The following CDH4 variants were observed in gnomAD, a reference collection of about 807,000 sequenced individuals.
The protein encoded by CDH4 is cadherin-4.
Under a neutral mutation model 86.0 loss-of-function variants are expected in CDH4, and 33 were observed. The observed-to-expected ratio is 0.38, with a 90% CI of 0.29 to 0.51. CDH4 has a LOEUF of 0.51. Ranked by LOEUF, CDH4 falls within the 20% of genes least tolerant of loss-of-function variation. The probability of loss-of-function intolerance (pLI) is 0.86; values close to 1 mark genes in which losing one functional copy is unlikely to be tolerated. For missense variants in CDH4, 1,114 were observed against 1,307.4 expected, an observed-to-expected ratio of 0.85 and a Z score of 2.28; for synonymous variants, 555 against 549.4, an observed-to-expected ratio of 1.01 and a Z score of -0.14.
intron 2 of CDH4, among the ~76,000 whole-genome samples, chr20:61,456,001 A>G (rs1476143309): frequency 7.9e-5 from 12 of 151,714 alleles, no homozygotes; most frequent in Non-Finnish European, 5.9e-5. Flanking sequence ...ATGGATGGAT[A>G]GATATATGGA....
intron 8 of CDH4, among the ~76,000 whole-genome samples, chr20:61,895,599 C>G (rs1014445899): frequency 6.6e-6 from 1 of 152,240 alleles, no homozygotes; most frequent in Non-Finnish European, 1.5e-5. Context: ...CTGGTGGGAA[C>G]ACGGTGGAGA....
At chr20:61,294,324 C>T (rs568842548) in intron 2 of CDH4, among the ~76,000 whole-genome samples, 17 of 152,278 alleles carry the variant, frequency 1.1e-4, no homozygotes, top group African/African-American at 3.1e-4. Context: ...TCTGGGGCAA[C>T]GGGGGTGAAG....
At chr20:61,878,608 G>C (rs768758425) in intron 7 of CDH4, among the ~76,000 whole-genome samples, 13 of 152,240 alleles carry the variant, frequency 8.5e-5, no homozygotes, top group African/African-American at 3.1e-4. Context: ...ACATTGAGGC[G>C]GGCTTCCCTC....
At chr20:61,449,244 C>G (rs984303836) in intron 2 of CDH4, among the ~76,000 whole-genome samples, 1 of 152,120 alleles carries the variant, frequency 6.6e-6, no homozygotes, top group South Asian at 2.1e-4. Context: ...TTTATCTCCA[C>G]GGGGGGGCCG....
chr20:61,399,653 C>G (rs1027526895), intron 2 of CDH4, among the ~76,000 whole-genome samples: 1 of 152,320 alleles, frequency 6.6e-6, no homozygotes, highest in Non-Finnish European at 1.5e-5. Flanking sequence ...CGCTGCAGGA[C>G]TTGGCAAATT....
At chr20:61,643,815 G>A (rs1389527827) in intron 2 of CDH4, among the ~76,000 whole-genome samples, 5 of 152,216 alleles carry the variant, frequency 3.3e-5, no homozygotes, top group South Asian at 2.1e-4. Context: ...ATCCATCTGA[G>A]TTCCCCTCGT....
chr20:61,633,966 C>T (rs1258827054), intron 2 of CDH4, among the ~76,000 whole-genome samples: 1 of 152,198 alleles, frequency 6.6e-6, no homozygotes, highest in Non-Finnish European at 1.5e-5. Flanking sequence ...GATTTTAAAA[C>T]ACCACCACCA....
At chr20:61,302,659 T>C (rs751932131) in intron 2 of CDH4, among the ~76,000 whole-genome samples, 1 of 152,134 alleles carries the variant, frequency 6.6e-6, no homozygotes, top group Non-Finnish European at 1.5e-5. Context: ...GGCTGCAGCA[T>C]TTGGGTCTGT....
intron 5 of CDH4, among the ~76,000 whole-genome samples, 197 bp downstream of exon 5, chr20:61,845,020 G>A (rs1016921225): frequency 2.0e-5 from 3 of 152,236 alleles, no homozygotes; most frequent in Non-Finnish European, 4.4e-5. Context: ...AATTCAGCAG[G>A]GTGGGCCCAG....
chr20:61,765,343 G>A (rs1409488603), intron 3 of CDH4, among the ~76,000 whole-genome samples: 1 of 152,172 alleles, frequency 6.6e-6, no homozygotes, highest in Non-Finnish European at 1.5e-5. Flanking sequence ...CCAGACTGCA[G>A]AATCTCCCCA....
chr20:61,610,388 C>T (rs765643481), intron 2 of CDH4, among the ~76,000 whole-genome samples: 1 of 152,194 alleles, frequency 6.6e-6, no homozygotes, highest in Non-Finnish European at 1.5e-5. Flanking sequence ...TTGTCTTTAT[C>T]TATTTGTCCA....
At position 61,252,568 on chromosome 20, in the gene CDH4, C is replaced by T. The variant is rs1973086160; in HGVS notation, c.55C>T (p.Arg19Trp). 3 of 1,204,180 alleles carry T rather than the reference C, an allele frequency of 2.5e-6. No homozygotes were observed. The highest frequency in any genetic ancestry group is 3.1e-6 in the Non-Finnish European group (3 of 969,972). 74.6% of individuals were successfully genotyped at this position (1,204,180 alleles called of 1,614,324 possible). ...GCTGCTCTCGCTCTCCGGCGCGCTC[C>T]GGGTAAGTTGCCGCCTCCCGCCCCC... is the stretch of plus-strand genomic sequence containing the variant. ...LLLLSLSGAL[R>W]AHNEDLTTRE... The change falls in exon 1 of 16, where the codon CGG becomes TGG. Residue 19 changes from arginine (R) to tryptophan (W), a missense_variant and splice_region_variant. This residue lies in a region of CDH4 where 221 missense variants were observed against 209.5 expected (regional missense o/e 1.05). Transcript: ENST00000614565. This position sits in a 1 kb window ranked among gnomAD's most constrained non-coding sequence, Gnocchi z 4.4.
intron 2 of CDH4, among the ~76,000 whole-genome samples, chr20:61,626,485 C>T (rs762476269): frequency 4.4e-5 from 6 of 136,528 alleles, no homozygotes; most frequent in South Asian, 2.3e-4. Context: ...GAAGTCAGTG[C>T]GTTGTGGGGG....
intron 2 of CDH4, among the ~76,000 whole-genome samples, chr20:61,586,045 G>GTGGTGAT (rs2086470994): frequency 1.4e-5 from 2 of 140,258 alleles, no homozygotes; most frequent in African/African-American, 5.6e-5. Context: ...GTGGTGATGA[G>GTGGTGAT]GAGGATGATG....
At chr20:61,805,700 G>C (rs1980087849) in intron 4 of CDH4, among the ~76,000 whole-genome samples, 1 of 152,224 alleles carries the variant, frequency 6.6e-6, no homozygotes, top group African/African-American at 2.4e-5. Flanking sequence ...GGCCAGGGCA[G>C]TGTATTGGGA....
chr20:61,275,976 CCGCCTGG>C (rs2084229368), intron 2 of CDH4, among the ~76,000 whole-genome samples: 1 of 152,166 alleles, frequency 6.6e-6, no homozygotes. Flanking sequence ...ATAAGGCTGG[CCGCCTGG>C]CACATCAGCG....
At chr20:61,856,158 G>T (rs1258996134) in intron 6 of CDH4, among the ~76,000 whole-genome samples, 3 of 152,208 alleles carry the variant, frequency 2.0e-5, no homozygotes, top group African/African-American at 7.2e-5. Context: ...GCCTTTGTGG[G>T]ATAAGGAAAA....
chr20:61,750,786 G>C (rs1339722932), intron 3 of CDH4, among the ~76,000 whole-genome samples: 1 of 152,238 alleles, frequency 6.6e-6, no homozygotes, highest in Non-Finnish European at 1.5e-5. Context: ...TCGTGAGTAA[G>C]GTTAGCAAGG....
intron 2 of CDH4, among the ~76,000 whole-genome samples, chr20:61,655,232 C>T (rs574646887): frequency 3.3e-5 from 5 of 152,258 alleles, no homozygotes; most frequent in South Asian, 2.1e-4. Flanking sequence ...AAATAATCAC[C>T]AAGGGTCCTT....
Sources: gnomAD v4.1 joint callset for allele counts (sites outside exome capture counted in the v4.1 genomes callset) on GRCh38, gnomAD v4.1.1 for gene constraint, gnomAD v4.1.1 regional missense constraint, Gnocchi (gnomAD v3.1) non-coding constraint, MANE v1.5 for transcripts, NCBI Gene and HGNC (gene_info 2026-07-23, HGNC 2026-07-21) for gene names.